PLBD2: variants seen among roughly 807,000 people sequenced by gnomAD.
The protein encoded by PLBD2 is phospholipase B domain containing 2, also known as putative aminopeptidase PLBD2.
In PLBD2, 51 loss-of-function variants were observed where a neutral mutation model predicts 68.3. The observed-to-expected ratio is 0.75, with a 90% CI of 0.60 to 0.94. PLBD2 has a LOEUF of 0.94. PLBD2 is among the 40% of genes least tolerant of loss of function. PLBD2 has a pLI of 0.00. For missense variants in PLBD2, 729 were observed against 792.2 expected (o/e 0.92, Z 0.96); for synonymous variants, 314 against 339.3 (o/e 0.93, Z 0.82).
At chr12:113,364,623 A>G (rs922250365) in intron 1 of PLBD2, among the ~76,000 whole-genome samples, 3 of 151,672 alleles carry the variant, frequency 2.0e-5, no homozygotes, top group African/African-American at 7.3e-5. Context: ...ACACCTGGTT[A>G]ATTTATTTTG....
chr12:113,383,777 G>C (rs1265569050), intron 6 of PLBD2, among the ~76,000 whole-genome samples: 1 of 151,168 alleles, frequency 6.6e-6, no homozygotes, highest in African/African-American at 2.4e-5. Flanking sequence ...GAGGTGGGCG[G>C]ATCACTTGAG....
At chr12:113,363,128 T>C (rs577929066) in intron 1 of PLBD2, among the ~76,000 whole-genome samples, 2 of 152,110 alleles carry the variant, frequency 1.3e-5, no homozygotes, top group East Asian at 3.9e-4. Flanking sequence ...CATCTAGTTA[T>C]AGACACACTC....
chr12:113,380,892 G>A, intron 6 of PLBD2, 50 bp downstream of exon 6: 1 of 1,495,258 alleles, frequency 6.7e-7, no homozygotes, highest in South Asian at 1.2e-5. Context: ...TTGTCACACG[G>A]CGGCTCTGAG....
rs776948574 is a variant in PLBD2, at chr12:113,388,745, G to T, written c.*119G>T. The T allele has an allele frequency of 1.3e-5, 15 of 1,146,920 alleles. No individual in the cohort carries two copies. Among genetic ancestry groups the T allele is most frequent in the Non-Finnish European group, 1.7e-5 (14 of 840,900 alleles). The allele number at this position is 1,146,920 out of a possible 1,614,324, so 71.0% of individuals were successfully genotyped here. A position where few individuals can be genotyped will look rare whatever the true frequency, so the allele number is the denominator to read the frequency against. On this transcript the variant is annotated 3_prime_UTR_variant, in exon 12 of 12. Coordinates refer to ENST00000280800, the MANE Select transcript of PLBD2 (RefSeq NM_173542.4). ...CTGGGGGCTTCGTTCTCTGATCTGGGGTCTGAGTCATCTCCTCCTAGAGTG... is the reference window on the plus strand; with the variant it reads ...CTGGGGGCTTCGTTCTCTGATCTGGTGTCTGAGTCATCTCCTCCTAGAGTG...
intron 3 of PLBD2, among the ~76,000 whole-genome samples, chr12:113,373,313 T>C (rs1405804663): frequency 1.3e-5 from 2 of 152,240 alleles, no homozygotes; most frequent in African/African-American, 4.8e-5. Flanking sequence ...AGGCCATCAT[T>C]GGAAAAGTCA....
chr12:113,372,890 G>A lies in PLBD2; in HGVS notation c.543+83G>A, dbSNP rs1957401821. 1 of 1,503,852 alleles carries A rather than the reference G, an allele frequency of 6.6e-7. No individual in the cohort carries two copies. Among genetic ancestry groups the A allele is most frequent in the African/African-American group, 1.4e-5 (1 of 72,586 alleles). 93.2% of individuals were successfully genotyped at this position (1,503,852 alleles called of 1,614,324 possible). A position where few individuals can be genotyped will look rare whatever the true frequency, so the allele number is the denominator to read the frequency against. On this transcript the variant is annotated intron_variant, in intron 3 of 11. Coordinates refer to ENST00000280800, the MANE Select transcript of PLBD2 (RefSeq NM_173542.4). This position sits in a 1 kb window ranked among gnomAD's most constrained non-coding sequence, Gnocchi z 4.2. ...CTCCTGTTGTTCTGGCCAGCCTTGT[G>A]GCATGTCCAGCTGCCCAGCCGCCTC... is the stretch of plus-strand genomic sequence containing the variant.
intron 1 of PLBD2, among the ~76,000 whole-genome samples, chr12:113,361,328 T>G (rs973219140): frequency 1.5e-5 from 2 of 132,472 alleles, no homozygotes; most frequent in African/African-American, 3.0e-5. Flanking sequence ...TTAAAAAAGG[T>G]TTTTTTTTTT....
chr12:113,388,973 C>T lies in PLBD2; in HGVS notation c.*347C>T. ...CTGAGGGTTTGGGAAGGTCCTGGGG[C>T]AGACTCTGGGGCTCCCATGGGGTGG... On this transcript the variant is annotated 3_prime_UTR_variant, in exon 12 of 12. Coordinates refer to ENST00000280800, the MANE Select transcript of PLBD2 (RefSeq NM_173542.4). The T allele has an allele frequency of 5.5e-6, 1 of 182,018 alleles. No individual in the cohort carries two copies. 11.3% of individuals were successfully genotyped at this position (182,018 alleles called of 1,614,324 possible).
At position 113,388,252 on chromosome 12, in the gene PLBD2, G is replaced by T. The variant is rs557805926; in HGVS notation, c.1603-207G>T. On this transcript the variant is annotated intron_variant, in intron 11 of 11. Transcript: ENST00000280800. ...AGCTACTCAGGAGGCTGAGGCATGA[G>T]AATTGCTTGAACCCGGGAGGCAGAG... Among the ~76,000 whole-genome samples, 125 of 152,104 alleles carry T rather than the reference G, an allele frequency of 8.2e-4. 1 individual carries two copies. The highest frequency in any genetic ancestry group is 5.9e-5 in the Non-Finnish European group (4 of 68,004).
chr12:113,372,629 G>A lies in PLBD2; in HGVS notation c.385-20G>A, dbSNP rs139363346. The A allele has an allele frequency of 3.4e-5, 55 of 1,600,140 alleles. No individual in the cohort carries two copies. Among genetic ancestry groups the A allele is most frequent in the Middle Eastern group, 1.7e-4 (1 of 5,996 alleles). On this transcript the variant is annotated intron_variant, in intron 2 of 11. Transcript: ENST00000280800. The surrounding 1 kb of genome is among the most constrained non-coding windows in gnomAD (Gnocchi z 4.2). The stretch of plus-strand genomic sequence containing the variant: ...CACCCCAGCTGCCCGCCCTTGCCTC[G>A]CCCACCCCCTACCCCACAGCTCATC...
chr12:113,365,983 C>T (rs1026178506), intron 1 of PLBD2, among the ~76,000 whole-genome samples: 2 of 152,174 alleles, frequency 1.3e-5, no homozygotes, highest in Non-Finnish European at 2.9e-5. Context: ...TGTTTTCATG[C>T]CTTTCCCCTC....
intron 5 of PLBD2, among the ~76,000 whole-genome samples, chr12:113,380,197 C>T (rs1026372362): frequency 6.6e-6 from 1 of 152,022 alleles, no homozygotes; most frequent in African/African-American, 2.4e-5. Context: ...AGTGCAGTGG[C>T]GCGATCTCGG....
intron 2 of PLBD2, among the ~76,000 whole-genome samples, chr12:113,371,737 T>C (rs1397524951): frequency 1.3e-5 from 2 of 152,194 alleles, no homozygotes; most frequent in Admixed American, 1.3e-4. Context: ...GCACCTCCCC[T>C]GGATGGATGG....
chr12:113,382,828 TGG>T (rs1957504167), intron 6 of PLBD2, among the ~76,000 whole-genome samples: 2 of 142,300 alleles, frequency 1.4e-5, no homozygotes, highest in Non-Finnish European at 3.0e-5. Context: ...GTGGTGGTGG[TGG>T]TTTTTTGTGT....
Position 113,358,863 on chromosome 12 carries a change from A to G in PLBD2, c.263A>G (p.Asn88Ser), listed in dbSNP as rs1384462400. The change falls in exon 1 of 12, where the codon AAC becomes AGC. Residue 88 changes from asparagine (N) to serine (S), a missense_variant. Physicochemically the swap from Asn to Ser is conservative, Grantham distance 46 (BLOSUM62 1). Transcript: ENST00000280800. ...CACCCTGACGCCGTGGCCTGGGCCA[A>G]CCTCACCAACGCCATCCGCGAGACT... ...GRHPDAVAWA[N>S]LTNAIRETGW... 1 of 1,525,554 alleles carries G rather than the reference A, an allele frequency of 6.6e-7. No individual in the cohort carries two copies. Among genetic ancestry groups the G allele is most frequent in the Non-Finnish European group, 8.8e-7 (1 of 1,138,888 alleles). The allele number at this position is 1,525,554 out of a possible 1,614,324, so 94.5% of individuals were successfully genotyped here.
chr12:113,385,126 G>A, intron 8 of PLBD2, 86 bp from the exon 9 acceptor site: 1 of 1,454,360 alleles, frequency 6.9e-7, no homozygotes, highest in Non-Finnish European at 9.5e-7. Flanking sequence ...AGGCAATGGG[G>A]AGCCATCGGG....
intron 10 of PLBD2, among the ~76,000 whole-genome samples, chr12:113,387,332 A>G (rs1957562131): frequency 6.6e-6 from 1 of 152,144 alleles, no homozygotes; most frequent in South Asian, 2.1e-4. Context: ...ACTGCTAGGC[A>G]CTATGCTTGG....
intron 2 of PLBD2, among the ~76,000 whole-genome samples, chr12:113,370,763 C>G (rs936470626): frequency 6.6e-6 from 1 of 152,176 alleles, no homozygotes. Context: ...CAGGTACGAG[C>G]CACCTGGCCT....
rs1430098113 is a variant in PLBD2 at position 113,380,784 on chromosome 12, C to T, written c.899C>T (p.Ser300Phe). The change falls in exon 6 of 12, where the codon TCC becomes TTC. Residue 300 changes from serine to phenylalanine, a missense_variant. Ser to Phe is a radical substitution (Grantham distance 155). Coordinates refer to ENST00000280800, the MANE Select transcript of PLBD2 (RefSeq NM_173542.4). Reference sequence around the variant, plus strand: ...GTTCCCGGCAACAAGCTGGTCTTCTCCTCCTACCCCGGCACCATCTTCTCC... The same window carrying T: ...GTTCCCGGCAACAAGCTGGTCTTCTTCTCCTACCCCGGCACCATCTTCTCC... ...PLVPGNKLVFSSYPGTIFSCD... is the reference protein window; with the variant it reads ...PLVPGNKLVFFSYPGTIFSCD... 6.4e-7 allele frequency: 1 copy of T among 1,555,680 alleles called. No homozygotes were observed. Among genetic ancestry groups the T allele is most frequent in the Non-Finnish European group, 8.7e-7 (1 of 1,149,422 alleles).
Sources: gnomAD v4.1 joint callset for allele counts (sites outside exome capture counted in the v4.1 genomes callset) on GRCh38, gnomAD v4.1.1 for gene constraint, Gnocchi (gnomAD v3.1) non-coding constraint, MANE v1.5 for transcripts, NCBI Gene and HGNC (gene_info 2026-07-23, HGNC 2026-07-21) for gene names.